SLC25A29: variants seen among roughly 807,000 people sequenced by gnomAD.
SLC25A29 encodes mitochondrial basic amino acids transporter.
In SLC25A29, 13 loss-of-function variants were observed where a neutral mutation model predicts 10.0. The ratio of observed to expected loss-of-function variants is 1.30; its 90% CI spans 0.85 to 2.07. SLC25A29 has a LOEUF of 2.07. SLC25A29 is among the 30% of genes most tolerant of loss of function. The pLI, the probability that SLC25A29 is intolerant of heterozygous loss-of-function variation, is 0.00. For synonymous variants in SLC25A29, 244 were observed against 221.1 expected (o/e 1.10, Z -0.92); for missense variants, 475 against 447.6 (o/e 1.06, Z -0.55).
chr14:100,293,400 G>A (rs201715026), intron 2 of SLC25A29, 23 bp from the exon 3 acceptor site: 3 of 1,608,096 alleles, frequency 1.9e-6, no homozygotes, highest in South Asian at 1.1e-5. Flanking sequence ...GGTCCAGTGA[G>A]AGGCAGGCAG....
the SLC25A29 span, chr14:100,280,016 CTG>C: frequency 2.5e-4 from 38 of 152,428 alleles, 2 homozygotes; most frequent in Admixed American, 1.2e-3. Context: ...TTGACTCTCT[CTG>C]TTCACGTCTT....
downstream of SLC25A29, among the ~76,000 whole-genome samples, chr14:100,287,492 C>T (rs1891566413): frequency 6.6e-6 from 1 of 152,162 alleles, no homozygotes; most frequent in East Asian, 1.9e-4. Flanking sequence ...GAGCCATAAA[C>T]TCCAGATCCC....
downstream of SLC25A29, among the ~76,000 whole-genome samples, chr14:100,290,958 C>G (rs1284554466): frequency 6.6e-6 from 1 of 152,240 alleles, no homozygotes; most frequent in African/African-American, 2.4e-5. Context: ...GATGAGAAAA[C>G]AGGCTCTCAG....
Position 100,291,401 on chromosome 14 carries a change from GGGTCC to G in SLC25A29, c.*877_*881del, listed in dbSNP as rs753004591. ...TGGAGGTGTTCCAGGCCTGGTGAGG[GGGTCC>G]CATACTGTTCTCTGCTGAGCCCTCT... On this transcript the variant is annotated 3_prime_UTR_variant, in exon 4 of 4. Coordinates refer to ENST00000359232, the MANE Select transcript of SLC25A29 (RefSeq NM_001039355.3). 145 of 152,526 alleles carry G rather than the reference GGGTCC, an allele frequency of 9.5e-4. 1 individual carries two copies. The South Asian group carries it at 0.013, about 13-fold the overall frequency. The allele number at this position is 152,526 out of a possible 1,614,324, so 9.4% of individuals were successfully genotyped here.
chr14:100,306,271 T>TC lies in SLC25A29; in HGVS notation c.-40dup. The TC allele has an allele frequency of 7.0e-7, 1 of 1,436,090 alleles. No individual in the cohort carries two copies. The highest frequency in any genetic ancestry group is 1.5e-5 in the South Asian group (1 of 66,868). The allele number at this position is 1,436,090 out of a possible 1,614,324, so 89.0% of individuals were successfully genotyped here. On this transcript the variant is annotated 5_prime_UTR_variant, in exon 1 of 4. Coordinates refer to ENST00000359232, the MANE Select transcript of SLC25A29 (RefSeq NM_001039355.3). ...GCGAGGCCGCCTTTCCTCCTCGTCC[T>TC]CCCCCTGAGGCCCCTCGCCGGGCTG...
At chr14:100,282,016 C>G in the SLC25A29 span, 1 of 152,220 alleles carries the variant, frequency 6.6e-6, no homozygotes, top group African/African-American at 2.4e-5. Flanking sequence ...ACCCAGTCCC[C>G]TTGTAAAATC....
rs116652097 is a variant in SLC25A29, at chr14:100,300,278, A to G, written c.35-1393T>C. 6.6e-3 allele frequency among the ~76,000 whole-genome samples: 1,005 copies of G among 152,344 alleles called. 18 individuals are homozygous for G. The highest frequency in any genetic ancestry group is 0.023 in the African/African-American group (959 of 41,576). On this transcript the variant is annotated intron_variant, in intron 1 of 3. Transcript: ENST00000359232. ...AGCAAGACTCCGTTTCAAAAAGAAA[A>G]AAAAGTTTGGACCCTAAAACCCACT...
At chr14:100,285,808 GCC>G in the SLC25A29 span, among the ~76,000 whole-genome samples, 4 of 152,164 alleles carry the variant, frequency 2.6e-5, no homozygotes, top group East Asian at 3.9e-4. Context: ...GCCCTGGGAC[GCC>G]CCCCCTTCCC....
Position 100,306,382 on chromosome 14 carries a change from G to C in SLC25A29, c.-150C>G. On this transcript the variant is annotated 5_prime_UTR_variant, in exon 1 of 4. Coordinates refer to ENST00000359232, the MANE Select transcript of SLC25A29 (RefSeq NM_001039355.3). ...GCGGAGCCCGGGCAGGCGCGGTCAG[G>C]GATGGTGGGGATGGCGGCAGCAGCT... 1 of 644,470 alleles carries C rather than the reference G, an allele frequency of 1.6e-6. No individual in the cohort carries two copies. Among genetic ancestry groups the C allele is most frequent in the Non-Finnish European group, 2.2e-6 (1 of 457,814 alleles). 39.9% of individuals were successfully genotyped at this position (644,470 alleles called of 1,614,324 possible).
intron 1 of SLC25A29, chr14:100,304,782 T>A (rs1320961957): frequency 1.3e-5 from 2 of 152,192 alleles, no homozygotes. Flanking sequence ...TGCTTTCAGG[T>A]GAAGTGTTCC....
chr14:100,295,819 C>A (rs1378548644), intron 2 of SLC25A29: 2 of 1,289,670 alleles, frequency 1.6e-6, no homozygotes, highest in Admixed American at 4.6e-5. Flanking sequence ...TGGCCGGTCA[C>A]CCCCTCATCA....
At chr14:100,303,442 G>T (rs1247556546) in intron 1 of SLC25A29, among the ~76,000 whole-genome samples, 1 of 152,220 alleles carries the variant, frequency 6.6e-6, no homozygotes, top group African/African-American at 2.4e-5. Context: ...AGAGCAGAAA[G>T]ACCCTTACGC....
downstream of SLC25A29, among the ~76,000 whole-genome samples, chr14:100,286,365 C>T: frequency 6.6e-6 from 1 of 152,126 alleles, no homozygotes; most frequent in Non-Finnish European, 1.5e-5. Context: ...GTGTCCTCAC[C>T]ATCCCCAAGG....
At chr14:100,294,154 C>T (rs980997524) in intron 2 of SLC25A29, 3 of 152,224 alleles carry the variant, frequency 2.0e-5, no homozygotes, top group African/African-American at 7.2e-5. Context: ...GCTCCAGGAG[C>T]TCCTGCCTGG....
downstream of SLC25A29, among the ~76,000 whole-genome samples, chr14:100,287,124 T>C (rs1250256665): frequency 6.6e-6 from 1 of 152,206 alleles, no homozygotes; most frequent in East Asian, 1.9e-4. Flanking sequence ...GTGCTTTTTA[T>C]AAGAAATGAC....
intron 2 of SLC25A29, chr14:100,294,577 A>C (rs566819335): frequency 1.3e-5 from 2 of 152,300 alleles, no homozygotes; most frequent in African/African-American, 4.8e-5. Flanking sequence ...CCCATTTCCA[A>C]GATGGGAAGA....
chr14:100,301,495 A>T (rs1255965668), intron 1 of SLC25A29, among the ~76,000 whole-genome samples: 5 of 150,980 alleles, frequency 3.3e-5, no homozygotes. Context: ...TTAATTTGTA[A>T]TTTCAGCAAA....
chr14:100,290,640 C>T (rs1348067882), downstream of SLC25A29, among the ~76,000 whole-genome samples: 1 of 152,204 alleles, frequency 6.6e-6, no homozygotes, highest in African/African-American at 2.4e-5. Context: ...GGCAGTGAGA[C>T]CCCCACACCA....
rs776413490 is a variant in SLC25A29, at chr14:100,292,291, T to C, written c.904A>G (p.Ser302Gly). The C allele has an allele frequency of 2.0e-6, 3 of 1,531,890 alleles. No homozygotes were observed. The highest frequency in any genetic ancestry group is 2.6e-6 in the Non-Finnish European group (3 of 1,140,652). 94.9% of individuals were successfully genotyped at this position (1,531,890 alleles called of 1,614,324 possible). The stretch of plus-strand genomic sequence containing the variant: ...GGAGGGCGGGGTGAGCGTCACAGGC[T>C]GGAGGGCTGCGCCAGGGCAGGCCCC... ...PAGPALAQPS[S>G]L is the part of the protein sequence containing the mutation. The change falls in exon 4 of 4, where the codon AGC (serine) becomes GGC (glycine). Residue 302 changes from serine to glycine, a missense_variant. Transcript: ENST00000359232.
Sources: gnomAD v4.1 joint callset for allele counts (sites outside exome capture counted in the v4.1 genomes callset) on GRCh38, gnomAD v4.1.1 for gene constraint, MANE v1.5 for transcripts, NCBI Gene and HGNC (gene_info 2026-07-23, HGNC 2026-07-21) for gene names.